The following KCNH7 variants were observed in gnomAD, a reference collection of about 807,000 sequenced individuals.
KCNH7 encodes voltage-gated inwardly rectifying potassium channel KCNH7.
A neutral mutation model predicts 120.8 loss-of-function variants in KCNH7; 49 were observed. The observed-to-expected ratio is 0.41, with a 90% confidence interval of 0.32 to 0.51. The LOEUF (loss-of-function observed/expected upper bound fraction) is 0.51, where lower values mean the gene tolerates loss of function less well. KCNH7 is among the 20% of genes least tolerant of loss of function. KCNH7 has a pLI of 0.38. For synonymous variants in KCNH7, 547 were observed against 516.1 expected (o/e 1.06, Z -0.81); for missense variants, 1,097 against 1,446.6 (o/e 0.76, Z 3.92).
chr2:162,780,671 C>T (rs889440105), intron 2 of KCNH7, among the ~76,000 whole-genome samples: 5 of 152,104 alleles, frequency 3.3e-5, no homozygotes, highest in African/African-American at 1.2e-4. Context: ...AGACACACAG[C>T]CCCCATGTCT....
At chr2:162,803,901 C>T (rs944441064) in intron 2 of KCNH7, among the ~76,000 whole-genome samples, 2 of 147,160 alleles carry the variant, frequency 1.4e-5, no homozygotes, top group African/African-American at 5.0e-5. Context: ...TATGACATGC[C>T]TGAGTGTTTC....
intron 6 of KCNH7, among the ~76,000 whole-genome samples, chr2:162,456,375 C>T (rs557446524): frequency 6.6e-5 from 10 of 151,390 alleles, no homozygotes; most frequent in Admixed American, 1.3e-4. Flanking sequence ...TTATACATTC[C>T]TTATATAATT....
chr2:162,423,261 T>C (rs752860324), intron 9 of KCNH7, 75 bp downstream of exon 9: 4 of 1,609,012 alleles, frequency 2.5e-6, no homozygotes, highest in Non-Finnish European at 8.5e-7. Context: ...AAGCTGGTGA[T>C]TCCGGCTTTT....
intron 2 of KCNH7, among the ~76,000 whole-genome samples, chr2:162,613,514 T>C (rs929191711): frequency 1.3e-5 from 2 of 152,026 alleles, no homozygotes; most frequent in Admixed American, 6.6e-5. Context: ...CAGCCTGTTA[T>C]TTAAGCTTTT....
chr2:162,835,194 G>A (rs1230099331), intron 2 of KCNH7, among the ~76,000 whole-genome samples: 1 of 151,978 alleles, frequency 6.6e-6, no homozygotes, highest in Non-Finnish European at 1.5e-5. Flanking sequence ...CTATCTGTTT[G>A]ATACGTATAC....
intron 2 of KCNH7, among the ~76,000 whole-genome samples, chr2:162,727,004 C>T (rs1363605444): frequency 2.0e-5 from 3 of 152,106 alleles, no homozygotes; most frequent in Admixed American, 6.5e-5. Flanking sequence ...ACTTTTAGGA[C>T]TTGTTTTTCA....
intron 2 of KCNH7, among the ~76,000 whole-genome samples, chr2:162,621,735 CT>C (rs1683366545): frequency 6.6e-6 from 1 of 152,020 alleles, no homozygotes. Flanking sequence ...AGAGGCTGAA[CT>C]TTTTATATAA....
At chr2:162,405,269 T>G (rs1293428398) in intron 9 of KCNH7, among the ~76,000 whole-genome samples, 1 of 152,038 alleles carries the variant, frequency 6.6e-6, no homozygotes, top group African/African-American at 2.4e-5. Context: ...AATGAGAATT[T>G]GTTCTTTTAA....
chr2:162,479,673 A>ATGTGTGTG (rs71009359), intron 6 of KCNH7, among the ~76,000 whole-genome samples: 18 of 145,300 alleles, frequency 1.2e-4, no homozygotes, highest in African/African-American at 3.5e-4. Context: ...GTGTGTGTGC[A>ATGTGTGTG]TGTGTGTGTG....
At chr2:162,466,335 C>A (rs1040416353) in intron 6 of KCNH7, among the ~76,000 whole-genome samples, 2 of 152,190 alleles carry the variant, frequency 1.3e-5, no homozygotes, top group Non-Finnish European at 2.9e-5. Context: ...ACTCACAGTT[C>A]TATACGGCTA....
intron 2 of KCNH7, among the ~76,000 whole-genome samples, chr2:162,612,774 A>G (rs1056015468): frequency 1.3e-5 from 2 of 152,100 alleles, no homozygotes; most frequent in African/African-American, 4.8e-5. Flanking sequence ...ATTGAAACAC[A>G]GAAAAGAACA....
At chr2:162,469,304 G>T (rs558592167) in intron 6 of KCNH7, among the ~76,000 whole-genome samples, 5 of 152,298 alleles carry the variant, frequency 3.3e-5, no homozygotes, top group African/African-American at 1.2e-4. Context: ...TAACACTTCA[G>T]TAAACACCAA....
At chr2:162,538,096 A>C (rs1692173184) in intron 2 of KCNH7, 1 of 152,106 alleles carries the variant, frequency 6.6e-6, no homozygotes, top group Non-Finnish European at 1.5e-5. Context: ...AAACTTCAGA[A>C]GGTGTTCTTA....
At chr2:162,778,894 G>C (rs1199836670) in intron 2 of KCNH7, among the ~76,000 whole-genome samples, 3 of 150,822 alleles carry the variant, frequency 2.0e-5, no homozygotes, top group Non-Finnish European at 4.4e-5. Flanking sequence ...TTTACTACTT[G>C]GCCAATTATT....
chr2:162,487,167 C>G (rs1574017799), intron 6 of KCNH7, among the ~76,000 whole-genome samples: 1 of 152,098 alleles, frequency 6.6e-6, no homozygotes. Context: ...AATTCATATG[C>G]CTTCACTTTT....
At chr2:162,412,244 G>C (rs1687412322) in intron 9 of KCNH7, among the ~76,000 whole-genome samples, 1 of 151,848 alleles carries the variant, frequency 6.6e-6, no homozygotes, top group African/African-American at 2.4e-5. Flanking sequence ...AATTAATAAA[G>C]ATATTTCACA....
intron 2 of KCNH7, among the ~76,000 whole-genome samples, chr2:162,618,831 C>T (rs930935312): frequency 2.0e-5 from 3 of 152,056 alleles, no homozygotes; most frequent in Admixed American, 6.6e-5. Context: ...GCCATCATAA[C>T]GATTAATTAA....
At chr2:162,789,484 C>G (rs1683842128) in intron 2 of KCNH7, among the ~76,000 whole-genome samples, 1 of 151,964 alleles carries the variant, frequency 6.6e-6, no homozygotes, top group Non-Finnish European at 1.5e-5. Flanking sequence ...AAACATTGGA[C>G]TTGAACAACA....
intron 2 of KCNH7, among the ~76,000 whole-genome samples, chr2:162,660,433 C>A (rs1432646113): frequency 1.3e-5 from 2 of 152,046 alleles, no homozygotes; most frequent in African/African-American, 4.8e-5. Flanking sequence ...ATCTTTCTGT[C>A]ATTAATTTCC....
Sources: allele counts gnomAD v4.1 joint callset (sites outside exome capture counted in the v4.1 genomes callset), GRCh38; gene constraint gnomAD v4.1.1; transcripts MANE v1.5; gene names NCBI Gene and HGNC (gene_info 2026-07-23, HGNC 2026-07-21).